Variants in ZNF100 observed in about 807,000 individuals in gnomAD.
ZNF100 encodes the protein zinc finger protein 100 (Y1).
A neutral mutation model predicts 15.8 loss-of-function variants in ZNF100; 12 were observed. The observed-to-expected ratio is 0.76, with a 90% confidence interval of 0.49 to 1.23. ZNF100 has a LOEUF of 1.23. ZNF100 is among the 50% of genes most tolerant of loss of function. The pLI is 0.00. For missense variants in ZNF100, 670 were observed against 635.6 expected (o/e 1.05, Z -0.58); for synonymous variants, 226 against 214.8 (o/e 1.05, Z -0.45).
Position 21,727,717 on chromosome 19 carries a change from G to T in ZNF100, c.595C>A (p.His199Asn). ...CATTTGAAAGGTTTCTTTCTAGTAT[G>T]TCTTATCTTATGTCTGTTTGAATTT... ...FSNSNRHKIR[H>N]TRKKPFKCKK... Residue 199 changes from histidine (H) to asparagine (N), a missense_variant, in exon 5 of 5, where the codon CAT becomes AAT. By Grantham distance (68) the His-to-Asn change is moderately conservative. Coordinates refer to ENST00000358296, the MANE Select transcript of ZNF100 (RefSeq NM_173531.4). The T allele has an allele frequency of 6.2e-7, 1 of 1,613,768 alleles. No individual in the cohort carries two copies. The highest frequency in any genetic ancestry group is 8.5e-7 in the Non-Finnish European group (1 of 1,179,846).
chr19:21,760,306 A>C (rs984536574), intron 2 of ZNF100, among the ~76,000 whole-genome samples: 5 of 152,094 alleles, frequency 3.3e-5, no homozygotes, highest in Non-Finnish European at 5.9e-5. Flanking sequence ...CAGCCTGTCC[A>C]ACATGGTGAA....
chr19:21,744,827 GA>G, intron 3 of ZNF100, 113 bp downstream of exon 3: 4 of 1,509,294 alleles, frequency 2.7e-6, no homozygotes, highest in Admixed American at 2.3e-5. Flanking sequence ...AGATTTTCTT[GA>G]AAAAACGGAT....
Position 21,749,102 on chromosome 19 carries a change from G to A in ZNF100, c.97-4035C>T, listed in dbSNP as rs116596790. On this transcript the variant is annotated intron_variant, in intron 2 of 4. Transcript: ENST00000358296. ...CCGTGTATCCAGTTGCTAGTCTAGA[G>A]CAAAAGTTTCTGGATGGTAGGGACC... Among the ~76,000 whole-genome samples, 593 of 152,218 alleles carry A rather than the reference G, an allele frequency of 3.9e-3. 1 individual carries two copies. The highest frequency in any genetic ancestry group is 0.014 in the African/African-American group (574 of 41,528).
intron 4 of ZNF100, among the ~76,000 whole-genome samples, chr19:21,738,522 T>A (rs894269291): frequency 6.6e-6 from 1 of 152,006 alleles, no homozygotes; most frequent in Non-Finnish European, 1.5e-5. Context: ...AATCTACAAC[T>A]GCCTGATCTT....
intron 1 of ZNF100, among the ~76,000 whole-genome samples, chr19:21,766,929 G>C (rs2036572827): frequency 6.6e-6 from 1 of 152,224 alleles, no homozygotes. Context: ...GGGAGGCGGA[G>C]GTTGCAGTGA....
chr19:21,730,997 T>G (rs1445812648), intron 4 of ZNF100, among the ~76,000 whole-genome samples: 1 of 152,092 alleles, frequency 6.6e-6, no homozygotes, highest in African/African-American at 2.4e-5. Flanking sequence ...ATTGCATTTT[T>G]GAGAAACTAG....
At chr19:21,750,381 AAG>A (rs2036281618) in intron 2 of ZNF100, 1 of 152,186 alleles carries the variant, frequency 6.6e-6, no homozygotes, top group Non-Finnish European at 1.5e-5. Context: ...CAAAACTGGG[AAG>A]AGACACAATA....
At chr19:21,764,548 G>C (rs995717553) in intron 2 of ZNF100, among the ~76,000 whole-genome samples, 20 of 151,866 alleles carry the variant, frequency 1.3e-4, no homozygotes, top group Non-Finnish European at 2.2e-4. Context: ...GCTGAGGCAG[G>C]AGAATCACTT....
At chr19:21,743,773 TGAAG>T (rs1399365556) in intron 4 of ZNF100, among the ~76,000 whole-genome samples, 3 of 141,584 alleles carry the variant, frequency 2.1e-5, no homozygotes, top group Non-Finnish European at 4.5e-5. Context: ...ACTGTAAACC[TGAAG>T]GAAGATCACC....
chr19:21,763,466 T>G (rs969539553), intron 2 of ZNF100, among the ~76,000 whole-genome samples: 1 of 152,138 alleles, frequency 6.6e-6, no homozygotes, highest in Non-Finnish European at 1.5e-5. Flanking sequence ...GGCACGCACC[T>G]GTATTCCCAG....
chr19:21,760,864 C>G (rs961721502), intron 2 of ZNF100, among the ~76,000 whole-genome samples: 3 of 149,446 alleles, frequency 2.0e-5, no homozygotes, highest in Non-Finnish European at 4.4e-5. Flanking sequence ...TCATGCCACT[C>G]TCCTTCCTCA....
At position 21,744,030 on chromosome 19, in the gene ZNF100, T is replaced by G; in HGVS notation, c.309A>C (p.Val103=). The G allele has an allele frequency of 6.2e-7, 1 of 1,612,554 alleles. No homozygotes were observed. Among genetic ancestry groups the G allele is most frequent in the Non-Finnish European group, 8.5e-7 (1 of 1,179,426 alleles). Residue 103 remains valine (V), a synonymous_variant, in exon 4 of 5, where the codon GTA becomes GTC. Coordinates refer to ENST00000358296, the MANE Select transcript of ZNF100 (RefSeq NM_173531.4). ...EPWNIKRHEM[V]AKPPVICSHF... is the part of the protein sequence containing the mutation. ...ACTCTCACCTACCTGGGGGTTTGGC[T>G]ACCATCTCATGTCTCTTTATATTCC...
At chr19:21,728,345 T>G (rs548832209) in intron 4 of ZNF100, among the ~76,000 whole-genome samples, 17 of 152,196 alleles carry the variant, frequency 1.1e-4, no homozygotes, top group African/African-American at 3.9e-4. Flanking sequence ...ACTGGCACAT[T>G]TATCTTTATT....
chr19:21,750,874 T>TC (rs2036294597), intron 2 of ZNF100: 2 of 546,414 alleles, frequency 3.7e-6, no homozygotes, highest in South Asian at 5.4e-5. Flanking sequence ...CTATTGCGTG[T>TC]CCCCCCAGTA....
chr19:21,744,794 A>C, intron 3 of ZNF100, 147 bp downstream of exon 3: 2 of 1,294,284 alleles, frequency 1.5e-6, no homozygotes, highest in Middle Eastern at 2.0e-4. Context: ...TCTTGAATAC[A>C]TTCTTTTCCA....
At chr19:21,761,308 T>C (rs942237696) in intron 2 of ZNF100, among the ~76,000 whole-genome samples, 1 of 152,262 alleles carries the variant, frequency 6.6e-6, no homozygotes, top group African/African-American at 2.4e-5. Flanking sequence ...GTGAGTATTC[T>C]GAACTTAAAA....
In ZNF100 at chr19:21,765,640, C is replaced by T. The variant is rs565209125; in HGVS notation, c.96+54G>A. The stretch of plus-strand genomic sequence containing the variant: ...GATTGGCTGACCAGCAACGTGTCTC[C>T]AAGAAATGAAAGCTGGGTTGGGTGA... On this transcript the variant is annotated intron_variant, in intron 2 of 4. Transcript: ENST00000358296. The T allele has an allele frequency of 1.4e-5, 22 of 1,557,758 alleles. No individual in the cohort carries two copies. In the South Asian group the frequency reaches 2.5e-4, roughly 17 times the overall value.
chr19:21,731,865 C>T (rs1328099007), intron 4 of ZNF100, among the ~76,000 whole-genome samples: 2 of 152,122 alleles, frequency 1.3e-5, no homozygotes, highest in African/African-American at 2.4e-5. Flanking sequence ...GGTTGTTGTA[C>T]ATTGAGATTT....
intron 2 of ZNF100, among the ~76,000 whole-genome samples, chr19:21,760,709 A>T (rs1343051291): frequency 3.3e-5 from 5 of 151,106 alleles, no homozygotes; most frequent in Non-Finnish European, 5.9e-5. Flanking sequence ...CAAGTTTCTG[A>T]TAACATTAGA....
Sources: allele counts gnomAD v4.1 joint callset (sites outside exome capture counted in the v4.1 genomes callset), GRCh38; gene constraint gnomAD v4.1.1; transcripts MANE v1.5; gene names NCBI Gene and HGNC (gene_info 2026-07-23, HGNC 2026-07-21).